Variants in ATOSA observed in about 807,000 individuals in gnomAD.
ATOSA encodes atos homolog A.
the ATOSA span, among the ~76,000 whole-genome samples, chr15:52,631,976 A>C: frequency 6.6e-6 from 1 of 152,138 alleles, no homozygotes; most frequent in Non-Finnish European, 1.5e-5. Context: ...CCTGGCCTCA[A>C]GCGATCCTCC....
At chr15:52,635,691 A>G in the ATOSA span, among the ~76,000 whole-genome samples, 1 of 151,878 alleles carries the variant, frequency 6.6e-6, no homozygotes, top group Non-Finnish European at 1.5e-5. Flanking sequence ...GTGAGATCCT[A>G]TCTCAAAAAA....
the ATOSA span, among the ~76,000 whole-genome samples, chr15:52,691,897 C>G: frequency 2.4e-4 from 37 of 151,938 alleles, no homozygotes; most frequent in African/African-American, 7.2e-4. Flanking sequence ...CAAAGATCCA[C>G]TCCAAAAAGA....
chr15:52,693,406 C>T, the ATOSA span, among the ~76,000 whole-genome samples: 1 of 151,968 alleles, frequency 6.6e-6, no homozygotes, highest in African/African-American at 2.4e-5. Flanking sequence ...GGTGAGAGAG[C>T]GAGACTCCAT....
chr15:52,649,756 A>G, the ATOSA span: 1 of 152,214 alleles, frequency 6.6e-6, no homozygotes. Context: ...TGTTATTATA[A>G]CTGACTAGAT....
the ATOSA span, among the ~76,000 whole-genome samples, chr15:52,676,319 C>T: frequency 6.6e-6 from 1 of 152,072 alleles, no homozygotes; most frequent in Non-Finnish European, 1.5e-5. Flanking sequence ...TTTCAAATTG[C>T]AGGTCATCAT....
chr15:52,705,175 T>C, the ATOSA span, among the ~76,000 whole-genome samples: 12 of 151,992 alleles, frequency 7.9e-5, no homozygotes, highest in African/African-American at 2.7e-4. Flanking sequence ...TATGCAGCCA[T>C]AAAAAAGGAT....
chr15:52,589,716 G>A, the ATOSA span, among the ~76,000 whole-genome samples: 1 of 151,978 alleles, frequency 6.6e-6, no homozygotes, highest in African/African-American at 2.4e-5. Context: ...CATTTTAATT[G>A]ATCAGCATAT....
At chr15:52,700,778 G>T in the ATOSA span, among the ~76,000 whole-genome samples, 1 of 151,976 alleles carries the variant, frequency 6.6e-6, no homozygotes, top group Non-Finnish European at 1.5e-5. Flanking sequence ...TACCTCTCTC[G>T]TGGAAGTAAT....
At chr15:52,593,119 C>G in the ATOSA span, among the ~76,000 whole-genome samples, 10 of 151,328 alleles carry the variant, frequency 6.6e-5, no homozygotes, top group Non-Finnish European at 1.5e-4. Context: ...GCATTCCAGC[C>G]TAGGCAAGAG....
At chr15:52,584,821 C>G in the ATOSA span, 1 of 1,613,610 alleles carries the variant, frequency 6.2e-7, no homozygotes, top group Non-Finnish European at 8.5e-7. Flanking sequence ...CTCTTCACTT[C>G]TTGTTTAACA....
chr15:52,637,449 C>T, the ATOSA span, among the ~76,000 whole-genome samples: 1 of 152,144 alleles, frequency 6.6e-6, no homozygotes, highest in African/African-American at 2.4e-5. Flanking sequence ...CTTAAGTTTC[C>T]TATTTACCAT....
At chr15:52,631,716 G>A in the ATOSA span, among the ~76,000 whole-genome samples, 1 of 152,096 alleles carries the variant, frequency 6.6e-6, no homozygotes, top group African/African-American at 2.4e-5. Flanking sequence ...AGATTTCCTC[G>A]TTGGCTGGAC....
At chr15:52,602,086 T>C in the ATOSA span, among the ~76,000 whole-genome samples, 3 of 152,246 alleles carry the variant, frequency 2.0e-5, no homozygotes, top group Non-Finnish European at 4.4e-5. Flanking sequence ...TCATTCTCTT[T>C]ATGGCTTTTT....
the ATOSA span, among the ~76,000 whole-genome samples, chr15:52,641,205 G>C: frequency 6.6e-6 from 1 of 152,176 alleles, no homozygotes; most frequent in African/African-American, 2.4e-5. Context: ...CCATCAAAAT[G>C]TATGTTTAAT....
At chr15:52,581,662 T>A in the ATOSA span, 1 of 152,824 alleles carries the variant, frequency 6.5e-6, no homozygotes, top group Non-Finnish European at 1.5e-5. Context: ...GCATAGTGTG[T>A]TACTTTTAAA....
chr15:52,641,421 C>T, the ATOSA span, among the ~76,000 whole-genome samples: 1 of 152,192 alleles, frequency 6.6e-6, no homozygotes, highest in Non-Finnish European at 1.5e-5. Context: ...AGAAGCTTAT[C>T]ATCTGAAGGA....
the ATOSA span, among the ~76,000 whole-genome samples, chr15:52,673,395 G>A: frequency 6.6e-6 from 1 of 152,214 alleles, no homozygotes; most frequent in South Asian, 2.1e-4. Flanking sequence ...ATATGCTCAA[G>A]TTCACTTCAC....
chr15:52,634,991 T>A, the ATOSA span, among the ~76,000 whole-genome samples: 2 of 152,170 alleles, frequency 1.3e-5, no homozygotes, highest in Non-Finnish European at 1.5e-5. Flanking sequence ...AAAAGAAAGC[T>A]GGAATGGTTA....
At chr15:52,620,860 C>CCTGGAGGTTGAGG in the ATOSA span, among the ~76,000 whole-genome samples, 1 of 152,132 alleles carries the variant, frequency 6.6e-6, no homozygotes, top group African/African-American at 2.4e-5. Flanking sequence ...ATCACTTGAG[C>CCTGGAGGTTGAGG]CTGGAGGTTG....
Sources: gnomAD v4.1 joint callset for allele counts (sites outside exome capture counted in the v4.1 genomes callset) on GRCh38, gnomAD v4.1.1 for gene constraint, MANE v1.5 for transcripts, NCBI Gene and HGNC (gene_info 2026-07-23, HGNC 2026-07-21) for gene names.